Variants in NRG3 observed in about 807,000 individuals in gnomAD.
NRG3 encodes pro-neuregulin-3, membrane-bound isoform.
NRG3 carries 31 observed loss-of-function variants against 66.9 expected under a neutral mutation model. The ratio of observed to expected loss-of-function variants is 0.46; its 90% CI spans 0.35 to 0.63. The LOEUF (loss-of-function observed/expected upper bound fraction) is 0.63, where lower values mean the gene tolerates loss of function less well. NRG3 is among the 20% of genes least tolerant of loss of function. NRG3 has a pLI of 0.00. For missense variants in NRG3, 910 were observed against 878.9 expected, an observed-to-expected ratio of 1.04 and a Z score of -0.45; for synonymous variants, 393 against 359.4, an observed-to-expected ratio of 1.09 and a Z score of -1.06.
At chr10:82,117,511 G>A (rs1054447459) in intron 1 of NRG3, among the ~76,000 whole-genome samples, 2 of 152,092 alleles carry the variant, frequency 1.3e-5, no homozygotes, top group Non-Finnish European at 2.9e-5. Flanking sequence ...ATGATGAGGA[G>A]AGAATTGGAG....
intron 2 of NRG3, among the ~76,000 whole-genome samples, chr10:82,467,399 A>C (rs1840788437): frequency 6.6e-6 from 1 of 152,172 alleles, no homozygotes; most frequent in Non-Finnish European, 1.5e-5. Flanking sequence ...CTCATGGTGA[A>C]TATTTAAGAG....
At chr10:81,916,178 A>G (rs188978684) in intron 1 of NRG3, among the ~76,000 whole-genome samples, 60 of 152,126 alleles carry the variant, frequency 3.9e-4, no homozygotes, top group Non-Finnish European at 6.8e-4. Context: ...TTCACCACTT[A>G]TGGCTAGTGG....
chr10:82,347,045 G>A (rs1204474367), intron 1 of NRG3, among the ~76,000 whole-genome samples: 2 of 151,540 alleles, frequency 1.3e-5, no homozygotes, highest in East Asian at 3.9e-4. Flanking sequence ...TTTTTGAAGG[G>A]TTTTTTGTGT....
intron 2 of NRG3, among the ~76,000 whole-genome samples, chr10:82,411,215 G>A (rs79697714): frequency 0.02 from 3,033 of 152,148 alleles, 49 homozygotes; most frequent in South Asian, 0.08. Context: ...GTGCTGGGCC[G>A]CTCCTGGCCC....
chr10:82,039,963 A>G (rs1267476984), intron 1 of NRG3, among the ~76,000 whole-genome samples: 7 of 152,112 alleles, frequency 4.6e-5, no homozygotes, highest in Admixed American at 3.9e-4. Flanking sequence ...CAAATAGTGG[A>G]AGTATATTAT....
At chr10:82,615,632 C>T (rs987936122) in intron 2 of NRG3, among the ~76,000 whole-genome samples, 1 of 152,120 alleles carries the variant, frequency 6.6e-6, no homozygotes, top group African/African-American at 2.4e-5. Context: ...TGGGATCAGG[C>T]TTCAGTAGAT....
chr10:82,208,708 CCTT>C (rs1214593932), intron 1 of NRG3, among the ~76,000 whole-genome samples: 1 of 151,426 alleles, frequency 6.6e-6, no homozygotes, highest in Non-Finnish European at 1.5e-5. Context: ...AAAAATAAAA[CCTT>C]CTAGCTTTTA....
chr10:82,111,552 G>T (rs928240579), intron 1 of NRG3, among the ~76,000 whole-genome samples: 4 of 152,240 alleles, frequency 2.6e-5, no homozygotes, highest in Admixed American at 1.3e-4. Context: ...AAGGTCCAGG[G>T]AAGCATAGGT....
At chr10:82,244,234 G>C (rs1165635217) in intron 1 of NRG3, among the ~76,000 whole-genome samples, 1 of 152,042 alleles carries the variant, frequency 6.6e-6, no homozygotes, top group East Asian at 1.9e-4. Context: ...CCTAATTATG[G>C]CTGTTTTATC....
intron 3 of NRG3, among the ~76,000 whole-genome samples, chr10:82,809,968 T>C (rs1322367232): frequency 1.3e-5 from 2 of 152,072 alleles, no homozygotes; most frequent in South Asian, 2.1e-4. Flanking sequence ...AACTTGTTGA[T>C]TTTTATATTT....
intron 2 of NRG3, among the ~76,000 whole-genome samples, chr10:82,489,126 A>G (rs1842905609): frequency 6.6e-6 from 1 of 152,214 alleles, no homozygotes; most frequent in Non-Finnish European, 1.5e-5. Context: ...GGGGGTTTAG[A>G]AAAGCTCATT....
chr10:82,781,218 A>C (rs2060107310), intron 3 of NRG3, among the ~76,000 whole-genome samples: 1 of 152,084 alleles, frequency 6.6e-6, no homozygotes, highest in Non-Finnish European at 1.5e-5. Context: ...AAGGTTTATA[A>C]TTGTACGTAG....
At chr10:82,080,951 T>C (rs2065360020) in intron 1 of NRG3, among the ~76,000 whole-genome samples, 1 of 152,212 alleles carries the variant, frequency 6.6e-6, no homozygotes, top group Non-Finnish European at 1.5e-5. Flanking sequence ...TTCTACTTTC[T>C]GTCTCTATGA....
intron 3 of NRG3, among the ~76,000 whole-genome samples, chr10:82,757,831 T>C (rs563845782): frequency 4.6e-5 from 7 of 152,100 alleles, no homozygotes; most frequent in Admixed American, 4.6e-4. Flanking sequence ...AATTTTTTTT[T>C]AAATTTCTTA....
At chr10:81,949,990 A>G (rs1849192894) in intron 1 of NRG3, among the ~76,000 whole-genome samples, 1 of 152,184 alleles carries the variant, frequency 6.6e-6, no homozygotes, top group South Asian at 2.1e-4. Context: ...TCTATTGCCC[A>G]GATTTCCCAG....
intron 1 of NRG3, among the ~76,000 whole-genome samples, chr10:82,201,006 G>A (rs1416421510): frequency 6.6e-6 from 1 of 151,932 alleles, no homozygotes; most frequent in Non-Finnish European, 1.5e-5. Context: ...GACCAGCCTG[G>A]CCAACATGGT....
chr10:82,507,222 G>C (rs932629036), intron 2 of NRG3, among the ~76,000 whole-genome samples: 3 of 152,162 alleles, frequency 2.0e-5, no homozygotes, highest in South Asian at 2.1e-4. Flanking sequence ...AGCTAATTTA[G>C]TAGTAGGGAT....
intron 4 of NRG3, among the ~76,000 whole-genome samples, chr10:82,929,021 A>T (rs1424997282): frequency 6.6e-6 from 1 of 152,204 alleles, no homozygotes; most frequent in East Asian, 1.9e-4. Flanking sequence ...CTATAGGAGA[A>T]CCAATGTCTC....
At chr10:82,497,539 C>A (rs976168681) in intron 2 of NRG3, among the ~76,000 whole-genome samples, 3 of 152,032 alleles carry the variant, frequency 2.0e-5, no homozygotes, top group Non-Finnish European at 4.4e-5. Flanking sequence ...TTACAAATGG[C>A]AGAATCTTCT....
Sources: gnomAD v4.1 joint callset for allele counts (sites outside exome capture counted in the v4.1 genomes callset) on GRCh38, gnomAD v4.1.1 for gene constraint, MANE v1.5 for transcripts, NCBI Gene and HGNC (gene_info 2026-07-23, HGNC 2026-07-21) for gene names.